PDLIM5: variants seen among roughly 807,000 people sequenced by gnomAD.
PDLIM5 encodes the protein PDZ and LIM domain 5.
A neutral mutation model predicts 64.2 loss-of-function variants in PDLIM5; 34 were observed. That is an observed-to-expected ratio of 0.53 (90% CI 0.40 to 0.71). The LOEUF (loss-of-function observed/expected upper bound fraction) is 0.71, where lower values mean the gene tolerates loss of function less well. Among genes scored for constraint, PDLIM5 ranks in the 30% least tolerant of loss-of-function variants. PDLIM5 has a pLI of 0.00. For synonymous variants in PDLIM5, 253 were observed against 269.1 expected (o/e 0.94, Z 0.59); for missense variants, 683 against 733.6 (o/e 0.93, Z 0.80).
At chr4:94,500,600 G>A (rs1727823668) in intron 2 of PDLIM5, among the ~76,000 whole-genome samples, 1 of 152,170 alleles carries the variant, frequency 6.6e-6, no homozygotes, top group Non-Finnish European at 1.5e-5. Flanking sequence ...CATAAAAGAA[G>A]TGATAGCAAC....
chr4:94,528,288 T>C (rs1730553593), intron 3 of PDLIM5, among the ~76,000 whole-genome samples: 2 of 152,282 alleles, frequency 1.3e-5, no homozygotes, highest in South Asian at 4.1e-4. Context: ...CACTCCTTTT[T>C]CCCCTTCTGA....
At chr4:94,462,345 ATAG>A (rs1459279478) in intron 2 of PDLIM5, among the ~76,000 whole-genome samples, 6 of 152,066 alleles carry the variant, frequency 3.9e-5, no homozygotes, top group African/African-American at 1.4e-4. Context: ...TTTAACACAA[ATAG>A]TATGCTTAAT....
chr4:94,535,484 G>A (rs1031998540), intron 3 of PDLIM5, among the ~76,000 whole-genome samples: 1 of 152,120 alleles, frequency 6.6e-6, no homozygotes, highest in African/African-American at 2.4e-5. Flanking sequence ...GCTGCACTTG[G>A]TGAACGGCCC....
At chr4:94,526,152 C>T (rs938693854) in intron 3 of PDLIM5, among the ~76,000 whole-genome samples, 1 of 152,122 alleles carries the variant, frequency 6.6e-6, no homozygotes, top group African/African-American at 2.4e-5. Context: ...TTCATACCAG[C>T]CTGCTTGTTT....
At chr4:94,609,744 G>A (rs773668678) in intron 7 of PDLIM5, among the ~76,000 whole-genome samples, 2 of 152,048 alleles carry the variant, frequency 1.3e-5, no homozygotes, top group Non-Finnish European at 2.9e-5. Flanking sequence ...CGTCTCTAAG[G>A]TAAAGCTCAT....
chr4:94,547,295 T>G (rs1732409229), intron 3 of PDLIM5, among the ~76,000 whole-genome samples: 1 of 152,114 alleles, frequency 6.6e-6, no homozygotes, highest in Non-Finnish European at 1.5e-5. Context: ...CGACCTTCCT[T>G]TCTGAAGATT....
intron 3 of PDLIM5, among the ~76,000 whole-genome samples, chr4:94,554,424 G>A (rs981259031): frequency 2.6e-5 from 4 of 152,012 alleles, no homozygotes; most frequent in African/African-American, 7.2e-5. Context: ...CCATCTAGTC[G>A]TTTTTCTCTT....
intron 5 of PDLIM5, chr4:94,585,020 A>G: frequency 1.6e-6 from 2 of 1,271,712 alleles, no homozygotes; most frequent in East Asian, 4.7e-5. Context: ...TTTCTGTTGA[A>G]TACATTCTAA....
chr4:94,658,623 G>A (rs994894981), intron 11 of PDLIM5, among the ~76,000 whole-genome samples: 1 of 152,212 alleles, frequency 6.6e-6, no homozygotes, highest in African/African-American at 2.4e-5. Context: ...AGTTAAAGGA[G>A]CAGTCAGCTT....
Position 94,665,410 on chromosome 4 carries a change from G to A in PDLIM5, c.*1343G>A. 2.3e-6 allele frequency: 1 copy of A among 438,992 alleles called. No homozygotes were observed. 27.2% of individuals were successfully genotyped at this position (438,992 alleles called of 1,614,324 possible). A position where few individuals can be genotyped will look rare whatever the true frequency, so the allele number is the denominator to read the frequency against. ...GGCAGGAAAATTCTTGAACCCAGGA[G>A]ACGGAAGTTGCAGTGAGCTGAGATC... On this transcript the variant is annotated 3_prime_UTR_variant, in exon 13 of 13. Transcript: ENST00000317968.
At chr4:94,595,086 T>C (rs1383660495) in intron 7 of PDLIM5, among the ~76,000 whole-genome samples, 1 of 151,274 alleles carries the variant, frequency 6.6e-6, no homozygotes, top group Non-Finnish European at 1.5e-5. Context: ...AAGGGGGAGG[T>C]GCCACACACT....
chr4:94,568,405 AC>A (rs11300244), intron 3 of PDLIM5, among the ~76,000 whole-genome samples: 33,974 of 152,072 alleles, frequency 0.22, 4,071 homozygotes, highest in African/African-American at 0.3. Context: ...GTTTATAGAA[AC>A]CCTTTATTGA....
At chr4:94,615,939 GCTA>G (rs1334290270) in intron 7 of PDLIM5, among the ~76,000 whole-genome samples, 1 of 152,126 alleles carries the variant, frequency 6.6e-6, no homozygotes, top group African/African-American at 2.4e-5. Flanking sequence ...CATAACCTGG[GCTA>G]CTATTACCAG....
intron 5 of PDLIM5, chr4:94,585,086 G>T: frequency 4.0e-6 from 3 of 752,248 alleles, no homozygotes; most frequent in Admixed American, 2.9e-5. Flanking sequence ...AATTTAAAAG[G>T]TTTTTTTGTT....
At chr4:94,595,931 CT>C (rs1737037458) in intron 7 of PDLIM5, among the ~76,000 whole-genome samples, 1 of 152,104 alleles carries the variant, frequency 6.6e-6, no homozygotes, top group Non-Finnish European at 1.5e-5. Context: ...GTTTGCCAAC[CT>C]GTAAAAAAAC....
intron 3 of PDLIM5, among the ~76,000 whole-genome samples, chr4:94,541,600 G>T (rs1493113): frequency 1 from 152,010 of 152,344 alleles, 75,838 homozygotes; most frequent in East Asian, 1. Flanking sequence ...AACATCCCCA[G>T]GTTTAAATTT....
Position 94,523,850 on chromosome 4 carries a change from G to A in PDLIM5, c.223G>A (p.Gly75Ser), listed in dbSNP as rs751784330. Residue 75 changes from glycine (G) to serine (S), a missense_variant, in exon 3 of 13, where the codon GGC becomes AGC. Physicochemically the swap from Gly to Ser is moderately conservative, Grantham distance 56 (BLOSUM62 0). Coordinates refer to ENST00000317968, the MANE Select transcript of PDLIM5 (RefSeq NM_006457.5). ...EAQNKIKGCT[G>S]SLNMTLQRAS... ...CCAGAATAAGATTAAGGGTTGTACA[G>A]GCTCTTTGAATATGACTCTGCAAAG... 1.8e-5 allele frequency: 29 copies of A among 1,613,124 alleles called. 1 individual carries two copies. In the South Asian group the frequency reaches 3.2e-4, roughly 18 times the overall value.
At chr4:94,563,199 A>T (rs1418744019) in intron 3 of PDLIM5, among the ~76,000 whole-genome samples, 1 of 152,178 alleles carries the variant, frequency 6.6e-6, no homozygotes, top group African/African-American at 2.4e-5. Flanking sequence ...AGATATTATT[A>T]TCACTTTGAA....
intron 2 of PDLIM5, among the ~76,000 whole-genome samples, chr4:94,482,819 G>A (rs1034837380): frequency 6.6e-6 from 1 of 152,118 alleles, no homozygotes; most frequent in East Asian, 1.9e-4. Context: ...GGCCCAGGGG[G>A]TCAAGGCTGC....
Sources: gnomAD v4.1 joint callset for allele counts (sites outside exome capture counted in the v4.1 genomes callset) on GRCh38, gnomAD v4.1.1 for gene constraint, MANE v1.5 for transcripts, NCBI Gene and HGNC (gene_info 2026-07-23, HGNC 2026-07-21) for gene names.